Variants in DTNB observed in about 807,000 individuals in gnomAD.
The protein encoded by DTNB is dystrobrevin beta.
A neutral mutation model predicts 90.7 loss-of-function variants in DTNB; 63 were observed. That is an observed-to-expected ratio of 0.69 (90% CI 0.57 to 0.86). The LOEUF (loss-of-function observed/expected upper bound fraction) is 0.86, where lower values mean the gene tolerates loss of function less well. Among genes scored for constraint, DTNB ranks in the 40% least tolerant of loss-of-function variants. The pLI is 0.00. For synonymous variants in DTNB, 277 were observed against 286.7 expected (o/e 0.97, Z 0.34); for missense variants, 744 against 807.1 (o/e 0.92, Z 0.95).
At chr2:25,666,218 G>A (rs1268971862) in intron 1 of DTNB, among the ~76,000 whole-genome samples, 2 of 152,056 alleles carry the variant, frequency 1.3e-5, no homozygotes, top group African/African-American at 4.8e-5. Context: ...ATATACATCT[G>A]TTTCTCTCAG....
chr2:25,605,025 T>A (rs899942397), intron 5 of DTNB, among the ~76,000 whole-genome samples: 2 of 152,226 alleles, frequency 1.3e-5, no homozygotes, highest in African/African-American at 4.8e-5. Context: ...AGCCAAGTTC[T>A]GTTTAAAATG....
chr2:25,550,867 C>T (rs2083500859), intron 8 of DTNB, among the ~76,000 whole-genome samples: 1 of 152,178 alleles, frequency 6.6e-6, no homozygotes, highest in Non-Finnish European at 1.5e-5. Flanking sequence ...CCACGCTGGT[C>T]TCAAACTCCT....
At chr2:25,666,575 T>C (rs1237834080) in intron 1 of DTNB, among the ~76,000 whole-genome samples, 2 of 152,210 alleles carry the variant, frequency 1.3e-5, no homozygotes, top group East Asian at 1.9e-4. Flanking sequence ...TTAAATCTTC[T>C]AGAAAGTGGC....
chr2:25,503,254 T>C (rs545065), intron 9 of DTNB, among the ~76,000 whole-genome samples: 42,465 of 150,392 alleles, frequency 0.28, 6,505 homozygotes, highest in East Asian at 0.51. Flanking sequence ...CTTTGGTAGG[T>C]TGAGACAGGA....
intron 8 of DTNB, chr2:25,558,262 T>C: frequency 2.0e-6 from 2 of 985,288 alleles, no homozygotes; most frequent in South Asian, 9.4e-5. Flanking sequence ...TCAGAAAGCA[T>C]GAGGTATTCA....
intron 16 of DTNB, among the ~76,000 whole-genome samples, chr2:25,390,322 A>C (rs2040740917): frequency 6.6e-6 from 1 of 152,218 alleles, no homozygotes; most frequent in Non-Finnish European, 1.5e-5. Flanking sequence ...AGTAACTATA[A>C]GGGCTAAAAC....
At chr2:25,638,010 C>T (rs927845966) in intron 3 of DTNB, among the ~76,000 whole-genome samples, 1 of 152,182 alleles carries the variant, frequency 6.6e-6, no homozygotes, top group African/African-American at 2.4e-5. Flanking sequence ...ACATATACAC[C>T]ATGGAATACT....
At chr2:25,658,619 TGG>T (rs1203114757) in intron 1 of DTNB, among the ~76,000 whole-genome samples, 1 of 152,166 alleles carries the variant, frequency 6.6e-6, no homozygotes, top group Non-Finnish European at 1.5e-5. Context: ...TCAAAAGACA[TGG>T]GGGAACCTTA....
At chr2:25,599,454 G>C (rs1231865138) in intron 5 of DTNB, among the ~76,000 whole-genome samples, 1 of 151,660 alleles carries the variant, frequency 6.6e-6, no homozygotes, top group Non-Finnish European at 1.5e-5. Context: ...CCATTCTCCT[G>C]CCTCAGCCTC....
At chr2:25,503,931 A>C (rs574286925) in intron 9 of DTNB, among the ~76,000 whole-genome samples, 2 of 151,842 alleles carry the variant, frequency 1.3e-5, no homozygotes, top group Non-Finnish European at 2.9e-5. Flanking sequence ...AAAAGAAAAA[A>C]AAAAACAGTT....
At chr2:25,592,885 C>G (rs2063821450) in intron 6 of DTNB, among the ~76,000 whole-genome samples, 1 of 152,218 alleles carries the variant, frequency 6.6e-6, no homozygotes, top group African/African-American at 2.4e-5. Context: ...GCACTGGTAT[C>G]ACTGTCGGAT....
chr2:25,645,246 G>C (rs1431654451), intron 2 of DTNB, among the ~76,000 whole-genome samples: 1 of 151,670 alleles, frequency 6.6e-6, no homozygotes. Flanking sequence ...AGCTGGGTGT[G>C]GTGGTGCACG....
At chr2:25,466,043 A>C (rs1044878524) in intron 10 of DTNB, among the ~76,000 whole-genome samples, 1 of 152,146 alleles carries the variant, frequency 6.6e-6, no homozygotes, top group African/African-American at 2.4e-5. Flanking sequence ...ACTTCTAAAG[A>C]AGTACTTAAG....
chr2:25,613,389 C>T (rs770424880), intron 4 of DTNB, among the ~76,000 whole-genome samples: 3 of 152,212 alleles, frequency 2.0e-5, no homozygotes, highest in Middle Eastern at 3.4e-3. Flanking sequence ...TCAACCCTTG[C>T]CCCCTCCCTC....
At chr2:25,388,616 G>A in intron 16 of DTNB, 2 of 468,454 alleles carry the variant, frequency 4.3e-6, no homozygotes, top group Non-Finnish European at 7.5e-6. Context: ...GGAAAGAAGA[G>A]GCTGGCACAG....
rs1248122118 is a variant in DTNB at position 25,396,571 on chromosome 2, G to A, written c.1576-8210C>T. Reference sequence around the variant, plus strand: ...TTGGGACTTGAGGGAAAGGGTGGGAGGGGGGTGAGGGATAAAAGACTACAC... The same window carrying A: ...TTGGGACTTGAGGGAAAGGGTGGGAAGGGGGTGAGGGATAAAAGACTACAC... On this transcript the variant is annotated intron_variant, in intron 16 of 20. Transcript: ENST00000406818. 4.6e-5 allele frequency among the ~76,000 whole-genome samples: 7 copies of A among 151,436 alleles called. 1 individual carries two copies. Among genetic ancestry groups the A allele is most frequent in the Admixed American group, 2.0e-4 (3 of 15,172 alleles).
At chr2:25,462,309 G>C (rs977281306) in intron 10 of DTNB, among the ~76,000 whole-genome samples, 1 of 152,080 alleles carries the variant, frequency 6.6e-6, no homozygotes, top group Non-Finnish European at 1.5e-5. Flanking sequence ...GACTGAAATG[G>C]GGGAAGTGGG....
intron 12 of DTNB, among the ~76,000 whole-genome samples, chr2:25,444,841 A>G (rs1027717637): frequency 1.9e-4 from 29 of 152,236 alleles, no homozygotes; most frequent in Non-Finnish European, 1.2e-4. Flanking sequence ...ACTTGTATCA[A>G]TGTGAGATTA....
intron 9 of DTNB, among the ~76,000 whole-genome samples, chr2:25,498,164 CA>C (rs1422141534): frequency 2.6e-5 from 4 of 152,050 alleles, no homozygotes; most frequent in Non-Finnish European, 5.9e-5. Context: ...AAAAACAAAA[CA>C]AAATGACAAA....
Sources: gnomAD v4.1 joint callset for allele counts (sites outside exome capture counted in the v4.1 genomes callset) on GRCh38, gnomAD v4.1.1 for gene constraint, MANE v1.5 for transcripts, NCBI Gene and HGNC (gene_info 2026-07-23, HGNC 2026-07-21) for gene names.